Variants in INPP5D observed in about 807,000 individuals in gnomAD.
INPP5D encodes the protein inositol polyphosphate-5-phosphatase D, also known as phosphatidylinositol 3,4,5-trisphosphate 5-phosphatase 1.
INPP5D carries 33 observed loss-of-function variants against 122.9 expected under a neutral mutation model. The ratio of observed to expected loss-of-function variants is 0.27; its 90% CI spans 0.20 to 0.36. The LOEUF is 0.36. INPP5D is among the 10% of genes least tolerant of loss of function. INPP5D has a pLI of 1.00. For missense variants in INPP5D, 1,053 were observed against 1,412.7 expected (o/e 0.75, Z 4.08); for synonymous variants, 584 against 576.2 (o/e 1.01, Z -0.19).
Position 233,169,936 on chromosome 2 carries a change from G to T in INPP5D, c.1653-90G>T, listed in dbSNP as rs10754947. On this transcript the variant is annotated intron_variant, in intron 14 of 26. Transcript: ENST00000445964. ...CTTCCCCCCACCTGCTATGCTCCTCGCCCCACACCTATGGCAGGAGTGACT... is the reference window on the plus strand; with the variant it reads ...CTTCCCCCCACCTGCTATGCTCCTCTCCCCACACCTATGGCAGGAGTGACT... 4 of 1,591,250 alleles carry T rather than the reference G, an allele frequency of 2.5e-6. No individual in the cohort carries two copies. The African/African-American group carries it at 5.4e-5, about 21-fold the overall frequency.
At chr2:233,104,391 A>G (rs1473805090) in intron 2 of INPP5D, among the ~76,000 whole-genome samples, 1 of 152,204 alleles carries the variant, frequency 6.6e-6, no homozygotes, top group Admixed American at 6.5e-5. Context: ...AATGCATTTC[A>G]TCTTCAATGC....
rs2106232580 is a variant in INPP5D at position 233,100,149 on chromosome 2, T to C, written c.198+20751T>C. ...GTCAAACCATATCAGAGTGGAAGCA[T>C]TCCCTTTCAATGGGGCAGTTCTCTT... On this transcript the variant is annotated intron_variant, in intron 2 of 26. Coordinates refer to ENST00000445964, the MANE Select transcript of INPP5D (RefSeq NM_001017915.3). This position sits in a 1 kb window ranked among gnomAD's most constrained non-coding sequence, Gnocchi z 5.3. Among the ~76,000 whole-genome samples, 1 of 152,242 alleles carries C rather than the reference T, an allele frequency of 6.6e-6. No individual in the cohort carries two copies. The highest frequency in any genetic ancestry group is 1.9e-4 in the East Asian group (1 of 5,180).
intron 2 of INPP5D, among the ~76,000 whole-genome samples, chr2:233,117,296 T>C (rs951691985): frequency 1.3e-5 from 2 of 152,090 alleles, no homozygotes; most frequent in African/African-American, 2.4e-5. Context: ...GGACGCTTCA[T>C]CGGGGGACGC....
intron 2 of INPP5D, among the ~76,000 whole-genome samples, chr2:233,117,981 T>G (rs1359397552): frequency 6.6e-6 from 1 of 152,120 alleles, no homozygotes; most frequent in Non-Finnish European, 1.5e-5. Flanking sequence ...CTGCTCCAAT[T>G]GCCAGGCCCT....
In INPP5D at chr2:233,189,986, C is replaced by G. The variant is rs1268119333; in HGVS notation, c.2446+49C>G. The G allele has an allele frequency of 6.2e-7, 1 of 1,602,028 alleles. No homozygotes were observed. ...ACACCTGCCTGTGAACTGGCGGCCT[C>G]TGACGTAGCATTGCCTTCAGGGGAG... On this transcript the variant is annotated intron_variant, in intron 22 of 26. Transcript: ENST00000445964. The surrounding 1 kb of genome is among the most constrained non-coding windows in gnomAD (Gnocchi z 5.6).
rs1694206131 is a variant in INPP5D, at chr2:233,161,837, G to GCGCCCCCTCCCTGCAGT, written c.1240+13_1240+29dup. On this transcript the variant is annotated intron_variant, in intron 11 of 26. Coordinates refer to ENST00000445964, the MANE Select transcript of INPP5D (RefSeq NM_001017915.3). ...GCACCTGGAACATGGGTGGGTCCGC[G>GCGCCCCCTCCCTGCAGT]CGCCCCCTCCCTGCAGTCACCCCCT... is the stretch of plus-strand genomic sequence containing the variant. 1 of 1,609,250 alleles carries GCGCCCCCTCCCTGCAGT rather than the reference G, an allele frequency of 6.2e-7. No homozygotes were observed. Among genetic ancestry groups the GCGCCCCCTCCCTGCAGT allele is most frequent in the South Asian group, 1.1e-5 (1 of 90,336 alleles).
chr2:233,204,349 G>A lies in INPP5D; in HGVS notation c.3199G>A (p.Glu1067Lys). ...CAGCATCGTGCTCACCAAAGCCCAGGAGGCTGATCGCGGCGAGGGGCCCGG... is the reference window on the plus strand; with the variant it reads ...CAGCATCGTGCTCACCAAAGCCCAGAAGGCTGATCGCGGCGAGGGGCCCGG... ...SPSIVLTKAQ[E>K]ADRGEGPGKQ... The change falls in exon 26 of 27, where the codon GAG (glutamate) becomes AAG (lysine). Residue 1067 changes from glutamate (E) to lysine (K), a missense_variant. Around this residue, in one of 6 missense-constraint regions of INPP5D, gnomAD observed 417 missense variants for 425.8 expected, o/e 0.98. Coordinates refer to ENST00000445964, the MANE Select transcript of INPP5D (RefSeq NM_001017915.3). 1.2e-6 allele frequency: 2 copies of A among 1,610,552 alleles called. No homozygotes were observed. Among genetic ancestry groups the A allele is most frequent in the Non-Finnish European group, 1.7e-6 (2 of 1,178,376 alleles).
At chr2:233,063,911 G>A (rs964582304) in intron 1 of INPP5D, among the ~76,000 whole-genome samples, 9 of 152,274 alleles carry the variant, frequency 5.9e-5, no homozygotes, top group Non-Finnish European at 1.2e-4. Context: ...TGGGTACATC[G>A]TGGGTGGGAG....
chr2:233,158,459 G>A, intron 10 of INPP5D, 40 bp downstream of exon 10: 1 of 685,638 alleles, frequency 1.5e-6, no homozygotes, highest in Non-Finnish European at 2.7e-6. Context: ...TGTGAGGTAG[G>A]GAGGGGACAC....
At chr2:233,114,965 T>A (rs537864042) in intron 2 of INPP5D, among the ~76,000 whole-genome samples, 120 of 152,146 alleles carry the variant, frequency 7.9e-4, no homozygotes, top group African/African-American at 2.5e-3. Flanking sequence ...CCTCCCAGGT[T>A]CAAGCAATTC....
chr2:233,130,765 A>G (rs764827505), intron 5 of INPP5D, 117 bp downstream of exon 5: 2 of 1,056,412 alleles, frequency 1.9e-6, no homozygotes, highest in South Asian at 2.7e-5. Flanking sequence ...CGCACTCACA[A>G]TAATTGAGTG....
At chr2:233,175,217 C>CAAAAAAAAAA (rs1220185296) in intron 17 of INPP5D, among the ~76,000 whole-genome samples, 2 of 68,608 alleles carry the variant, frequency 2.9e-5, no homozygotes, top group Admixed American at 2.1e-4. Flanking sequence ...GACTCCATCT[C>CAAAAAAAAAA]AAAAAAAAAA....
At chr2:233,075,472 A>G (rs1691495003) in intron 1 of INPP5D, among the ~76,000 whole-genome samples, 1 of 152,028 alleles carries the variant, frequency 6.6e-6, no homozygotes, top group Admixed American at 6.6e-5. Context: ...TTAGTTGTAG[A>G]ATCTTTGCTT....
At chr2:233,065,662 T>TTGAGACAGAGTCTCGC (rs1691202256) in intron 1 of INPP5D, among the ~76,000 whole-genome samples, 1 of 92,930 alleles carries the variant, frequency 1.1e-5, no homozygotes, top group African/African-American at 4.1e-5. Flanking sequence ...TTTTTTTTTT[T>TTGAGACAGAGTCTCGC]TTGAGACAGA....
At chr2:233,201,113 T>C (rs1184125394) in intron 25 of INPP5D, among the ~76,000 whole-genome samples, 2 of 152,130 alleles carry the variant, frequency 1.3e-5, no homozygotes, top group East Asian at 3.9e-4. Context: ...AGTTTGTTGA[T>C]AGGGTGTCAG....
intron 1 of INPP5D, among the ~76,000 whole-genome samples, chr2:233,065,826 T>C (rs1481241651): frequency 2.0e-5 from 3 of 151,884 alleles, no homozygotes; most frequent in Non-Finnish European, 2.9e-5. Context: ...TTTGTATTTT[T>C]AGTAGCGATG....
chr2:233,195,581 T>C, intron 24 of INPP5D, 86 bp downstream of exon 24: 1 of 1,585,912 alleles, frequency 6.3e-7, no homozygotes. Flanking sequence ...GTGCGATGGT[T>C]CACGCCCATA....
chr2:233,194,116 C>T (rs1695122169), intron 23 of INPP5D, among the ~76,000 whole-genome samples, 155 bp downstream of exon 23: 1 of 152,182 alleles, frequency 6.6e-6, no homozygotes, highest in Non-Finnish European at 1.5e-5. Context: ...TGGCCCAACC[C>T]TCACTCAACT....
In INPP5D at chr2:233,105,755, G is replaced by A. The variant is rs1471807890; in HGVS notation, c.199-16352G>A. Among the ~76,000 whole-genome samples, 1 of 152,164 alleles carries A rather than the reference G, an allele frequency of 6.6e-6. No individual in the cohort carries two copies. Among genetic ancestry groups the A allele is most frequent in the Non-Finnish European group, 1.5e-5 (1 of 68,038 alleles). ...GGGGCGGATCTTGACGAGTAGCTTC[G>A]AGGACAGGGGCCACAGGAGGACAGG... On this transcript the variant is annotated intron_variant, in intron 2 of 26. Coordinates refer to ENST00000445964, the MANE Select transcript of INPP5D (RefSeq NM_001017915.3). This position sits in a 1 kb window ranked among gnomAD's most constrained non-coding sequence, Gnocchi z 4.0.
Sources: gnomAD v4.1 joint callset for allele counts (sites outside exome capture counted in the v4.1 genomes callset) on GRCh38, gnomAD v4.1.1 for gene constraint, gnomAD v4.1.1 regional missense constraint, Gnocchi (gnomAD v3.1) non-coding constraint, MANE v1.5 for transcripts, NCBI Gene and HGNC (gene_info 2026-07-23, HGNC 2026-07-21) for gene names.